AFAP1: variants seen among roughly 807,000 people sequenced by gnomAD.
AFAP1 encodes actin filament associated protein 1, also known as actin filament-associated protein 1.
In AFAP1, 75 loss-of-function variants were observed where a neutral mutation model predicts 93.9. The ratio of observed to expected loss-of-function variants is 0.80; its 90% confidence interval spans 0.66 to 0.97. The LOEUF (loss-of-function observed/expected upper bound fraction) is 0.97. AFAP1 is among the 50% of genes least tolerant of loss of function. AFAP1 has a pLI of 0.00. For synonymous variants in AFAP1, 517 were observed against 430.7 expected, an observed-to-expected ratio of 1.20 and a Z score of -2.48; for missense variants, 1,201 against 1,050.8, an observed-to-expected ratio of 1.14 and a Z score of -1.98.
intron 12 of AFAP1, among the ~76,000 whole-genome samples, chr4:7,785,153 C>T (rs969638857): frequency 3.9e-5 from 6 of 152,110 alleles, no homozygotes; most frequent in Admixed American, 1.3e-4. Flanking sequence ...GGCCGGGCAC[C>T]GTGCCTGGAT....
At chr4:7,918,339 G>T (rs1253591832) in intron 1 of AFAP1, among the ~76,000 whole-genome samples, 1 of 148,694 alleles carries the variant, frequency 6.7e-6, no homozygotes, top group African/African-American at 2.5e-5. Context: ...CCGCAAACAG[G>T]GCTGCCGGAA....
chr4:7,840,167 C>A (rs1305034807), intron 5 of AFAP1, among the ~76,000 whole-genome samples: 1 of 152,090 alleles, frequency 6.6e-6, no homozygotes, highest in Non-Finnish European at 1.5e-5. Context: ...GCAGAGCCTG[C>A]ATCTTGACTC....
rs1263627579 is a variant in AFAP1, at chr4:7,769,343, G to C, written c.2254-335C>G. On this transcript the variant is annotated intron_variant, in intron 16 of 17. Coordinates refer to ENST00000420658, the MANE Select transcript of AFAP1 (RefSeq NM_001134647.2). The stretch of plus-strand genomic sequence containing the variant: ...CATGCAGCTGCTGCCGCCTCTAGCT[G>C]GTCCCTTTGTGCAGTGCTTTAAGGT... Among the ~76,000 whole-genome samples, 18 of 152,298 alleles carry C rather than the reference G, an allele frequency of 1.2e-4. No individual in the cohort carries two copies. In the East Asian group the frequency reaches 3.3e-3, roughly 28 times the overall value.
At chr4:7,930,384 AATCTCTCATTGGCCACCGGTGGCTAGCT>A (rs1249467200) in intron 1 of AFAP1, among the ~76,000 whole-genome samples, 1 of 3,158 alleles carries the variant, frequency 3.2e-4, no homozygotes, top group Non-Finnish European at 5.6e-4. Context: ...TGGCTAGCTC[AATCTCTCATTGGCCACCGGTGGCTAGCT>A]CAATCTCCAG....
chr4:7,803,354 G>A (rs1016525417), intron 9 of AFAP1, among the ~76,000 whole-genome samples: 10 of 152,236 alleles, frequency 6.6e-5, no homozygotes, highest in Admixed American at 1.3e-4. Flanking sequence ...ATAAGGAGCA[G>A]AAGAAACCAA....
intron 1 of AFAP1, among the ~76,000 whole-genome samples, chr4:7,924,070 A>G (rs970695184): frequency 2.0e-5 from 3 of 152,242 alleles, no homozygotes; most frequent in African/African-American, 4.8e-5. Context: ...AAGAGTCAGA[A>G]GCAGAGATAA....
rs756435878 is a variant in AFAP1, at chr4:7,919,791, C to T, written c.-3+19865G>A. Among the ~76,000 whole-genome samples the T allele has an allele frequency of 6.2e-4, 94 of 152,216 alleles. 1 individual carries two copies. The highest frequency in any genetic ancestry group is 3.4e-3 in the Middle Eastern group (1 of 294). ...TTAGCTGTTTTTCCTAACACTCTCCCTCCCCTCGCCCCACCCCCAACAGGC... is the reference window on the plus strand; with the variant it reads ...TTAGCTGTTTTTCCTAACACTCTCCTTCCCCTCGCCCCACCCCCAACAGGC... On this transcript the variant is annotated intron_variant, in intron 1 of 17. Transcript: ENST00000420658.
chr4:7,917,964 G>A (rs1720181513), intron 1 of AFAP1, among the ~76,000 whole-genome samples: 1 of 152,204 alleles, frequency 6.6e-6, no homozygotes, highest in Non-Finnish European at 1.5e-5. Context: ...AAGGACCACG[G>A]GATAGATGGG....
In AFAP1 at chr4:7,918,291, G is replaced by GA. The variant is rs564880733; in HGVS notation, c.-3+21364dup. Among the ~76,000 whole-genome samples, 693 of 143,830 alleles carry GA rather than the reference G, an allele frequency of 4.8e-3. 2 individuals are homozygous for GA. The highest frequency in any genetic ancestry group is 0.016 in the African/African-American group (626 of 38,802). The allele number at this position is 143,830 out of a possible 152,430, so 94.4% of individuals were successfully genotyped here. The stretch of plus-strand genomic sequence containing the variant: ...TGAGACATTCGGCCCAGGTCACCAG[G>GA]AAACAGGGCTGTGGATGAGACACTC... On this transcript the variant is annotated intron_variant, in intron 1 of 17. Transcript: ENST00000420658.
At chr4:7,897,562 T>C (rs1310186995) in intron 1 of AFAP1, among the ~76,000 whole-genome samples, 2 of 152,158 alleles carry the variant, frequency 1.3e-5, no homozygotes, top group African/African-American at 4.8e-5. Context: ...TCTCACTCTG[T>C]CACCCAGGCT....
intron 15 of AFAP1, chr4:7,774,080 C>G (rs368396082): frequency 6.6e-6 from 1 of 152,478 alleles, no homozygotes; most frequent in Non-Finnish European, 1.5e-5. Context: ...GGAGGCCATG[C>G]GTAGGTAAGC....
chr4:7,843,496 A>C, intron 4 of AFAP1, 146 bp from the exon 5 acceptor site: 1 of 760,102 alleles, frequency 1.3e-6, no homozygotes, highest in East Asian at 2.7e-5. Flanking sequence ...AAACAAAAAC[A>C]AAAACAAAAA....
Position 7,786,405 on chromosome 4 carries a change from CTA to C in AFAP1, c.1413-96_1413-95del, listed in dbSNP as rs1163200597. On this transcript the variant is annotated intron_variant, in intron 11 of 17. Transcript: ENST00000420658. ...ATGAGTTCTGACTTTATGCCCAAGG[CTA>C]TGTCAGAGGTCACAGGGGCAGAGAA... The C allele has an allele frequency of 8.5e-6, 9 of 1,053,508 alleles. 1 individual carries two copies. In the East Asian group the frequency reaches 1.7e-4, roughly 20 times the overall value. The allele number at this position is 1,053,508 out of a possible 1,614,324, so 65.3% of individuals were successfully genotyped here. A position where few individuals can be genotyped will look rare whatever the true frequency, so the allele number is the denominator to read the frequency against.
chr4:7,911,302 C>T (rs977575335), intron 1 of AFAP1, among the ~76,000 whole-genome samples: 5 of 152,162 alleles, frequency 3.3e-5, no homozygotes, highest in East Asian at 1.9e-4. Flanking sequence ...TTCCTACAGC[C>T]GGAGGGGGGA....
intron 1 of AFAP1, among the ~76,000 whole-genome samples, chr4:7,892,268 G>A (rs1052083513): frequency 6.6e-6 from 1 of 152,118 alleles, no homozygotes; most frequent in Non-Finnish European, 1.5e-5. Context: ...CAGGCCTCTC[G>A]ACATGGAATG....
chr4:7,807,512 T>G (rs1036431729), intron 9 of AFAP1, among the ~76,000 whole-genome samples: 3 of 152,130 alleles, frequency 2.0e-5, no homozygotes, highest in African/African-American at 7.2e-5. Flanking sequence ...GGGAGGGTAG[T>G]GGAAAAACAT....
At position 7,799,709 on chromosome 4, in the gene AFAP1, G is replaced by A. The variant is rs113452644; in HGVS notation, c.1266+733C>T. Among the ~76,000 whole-genome samples the A allele has an allele frequency of 5.0e-3, 762 of 151,990 alleles. 7 individuals are homozygous for A. Among genetic ancestry groups the A allele is most frequent in the African/African-American group, 0.017 (725 of 41,486 alleles). On this transcript the variant is annotated intron_variant, in intron 10 of 17. Transcript: ENST00000420658. ...CTCAGAAATAAAGGGAAAAATCACAGGAAAAAAAGGTCTAAAACTGGGTAG... is the reference window on the plus strand; with the variant it reads ...CTCAGAAATAAAGGGAAAAATCACAAGAAAAAAAGGTCTAAAACTGGGTAG...
At chr4:7,894,207 G>C (rs775140929) in intron 1 of AFAP1, among the ~76,000 whole-genome samples, 1 of 152,166 alleles carries the variant, frequency 6.6e-6, no homozygotes, top group African/African-American at 2.4e-5. Context: ...GCCTATTTTT[G>C]TCAATAATGT....
At chr4:7,786,424 G>A (rs1717270004) in intron 11 of AFAP1, 113 bp from the exon 12 acceptor site, 8 of 837,880 alleles carry the variant, frequency 9.5e-6, no homozygotes, top group Admixed American at 2.1e-5. Context: ...AGGTCACAGG[G>A]GCAGAGAAGA....
Sources: gnomAD v4.1 joint callset for allele counts (sites outside exome capture counted in the v4.1 genomes callset) on GRCh38, gnomAD v4.1.1 for gene constraint, MANE v1.5 for transcripts, NCBI Gene and HGNC (gene_info 2026-07-23, HGNC 2026-07-21) for gene names.